Variants in GOLGA8K observed in about 807,000 individuals in gnomAD.
The protein encoded by GOLGA8K is golgin subfamily A member 8K.
A neutral mutation model predicts 75.2 loss-of-function variants in GOLGA8K; 12 were observed. That is an observed-to-expected ratio of 0.16 (90% confidence interval 0.10 to 0.26). GOLGA8K has a LOEUF of 0.26. Ranked by LOEUF, GOLGA8K falls within the 10% of genes least tolerant of loss-of-function variation. The pLI, the probability that GOLGA8K is intolerant of heterozygous loss-of-function variation, is 1.00. For synonymous variants in GOLGA8K, 48 were observed against 236.6 expected (o/e 0.20, Z 7.32); for missense variants, 109 against 640.8 (o/e 0.17, Z 8.96).
chr15:32,397,688 A>G (rs1017018362), intron 8 of GOLGA8K, among the ~76,000 whole-genome samples, 185 bp from the exon 9 acceptor site: 1 of 152,000 alleles, frequency 6.6e-6, no homozygotes, highest in African/African-American at 2.4e-5. Flanking sequence ...AATGAGACTG[A>G]GTTTATAGCT....
At position 32,397,216 on chromosome 15, in the gene GOLGA8K, T is replaced by C. The variant is rs976518841; in HGVS notation, c.773A>G (p.Lys258Arg). The C allele has an allele frequency of 1.8e-4, 253 of 1,440,022 alleles. 15 individuals are homozygous for C. The Middle Eastern group carries it at 2.1e-3, about 12-fold the overall frequency. The allele number at this position is 1,440,022 out of a possible 1,614,324, so 89.2% of individuals were successfully genotyped here. Residue 258 changes from lysine to arginine, a missense_variant, in exon 10 of 19, where the codon AAA becomes AGA. Physicochemically the swap from Lys to Arg is conservative, Grantham distance 26. Transcript: ENST00000512626. ...ERARWQQRMR[K>R]MSQEICTLKK... ...GTCAGATCTCACCTCCTGCGACATT[T>C]TTCTCATCCTCTGCTGCCACCGGGC...
intron 1 of GOLGA8K, among the ~76,000 whole-genome samples, 171 bp from the exon 2 acceptor site, chr15:32,401,646 C>A: frequency 1.4e-5 from 1 of 71,450 alleles, no homozygotes; most frequent in Non-Finnish European, 3.0e-5. Context: ...GATATCATGG[C>A]TAGAAAAAAA....
In GOLGA8K at chr15:32,393,479, C is replaced by T. The variant is rs1429824131; in HGVS notation, c.1457G>A (p.Arg486His). The change falls in exon 16 of 19, where the codon CGC becomes CAC. Residue 486 changes from arginine to histidine, a missense_variant. Arg to His is a conservative substitution (Grantham distance 29, BLOSUM62 0). Transcript: ENST00000512626. ...GCCCTGGCCTCCCACTCACTGATGG[C>T]GTCTGTCTCGCCAGTGGTGGATGAA... ...LCFIHHWRDR[R>H]HQKTHHLLSE... 16 of 1,133,768 alleles carry T rather than the reference C, an allele frequency of 1.4e-5. 3 individuals are homozygous for T. The highest frequency in any genetic ancestry group is 2.7e-5 in the African/African-American group (1 of 37,414). The allele number at this position is 1,133,768 out of a possible 1,614,324, so 70.2% of individuals were successfully genotyped here.
chr15:32,397,258 T>A lies in GOLGA8K; in HGVS notation c.731A>T (p.His244Leu). The A allele has an allele frequency of 6.4e-7, 1 of 1,568,954 alleles. No individual in the cohort carries two copies. Among genetic ancestry groups the A allele is most frequent in the South Asian group, 1.1e-5 (1 of 90,042 alleles). Residue 244 changes from histidine to leucine, a missense_variant, in exon 10 of 19, where the codon CAT becomes CTT. His to Leu is a moderately conservative substitution (Grantham distance 99, BLOSUM62 -3). Coordinates refer to ENST00000512626, the MANE Select transcript of GOLGA8K (RefSeq NM_001282493.2). Reference sequence around the variant, plus strand: ...CCACCGGGCCCTCTCTCCTTTTAGATGTTCAGAATACTCATCTCTTTCTAA... The same window carrying A: ...CCACCGGGCCCTCTCTCCTTTTAGAAGTTCAGAATACTCATCTCTTTCTAA... ...VQLERDEYSE[H>L]LKGERARWQQ...
rs777914105 is a variant in GOLGA8K at position 32,393,394 on chromosome 15, C to T, written c.1464-4G>A. ...TGATAAAAGGTGATGGGTTTTCCTG[C>T]GGGAGGACAGGGCTCAGACGCTGGG... is the stretch of plus-strand genomic sequence containing the variant. On this transcript the variant is annotated splice_region_variant and splice_polypyrimidine_tract_variant and intron_variant, in intron 16 of 18. Coordinates refer to ENST00000512626, the MANE Select transcript of GOLGA8K (RefSeq NM_001282493.2). The T allele has an allele frequency of 1.9e-4, 200 of 1,049,142 alleles. 30 individuals carry two copies. The highest frequency in any genetic ancestry group is 1.1e-3 in the Admixed American group (37 of 33,432). 65.0% of individuals were successfully genotyped at this position (1,049,142 alleles called of 1,614,324 possible).
In GOLGA8K at chr15:32,394,255, G is replaced by A. The variant is rs1235021955; in HGVS notation, c.1277-22C>T. ...TGTCCTGTGGGGGGTGGCCAGAGGGGTCTTCAGACAACCCAACAAGGGAGG... is the reference window on the plus strand; with the variant it reads ...TGTCCTGTGGGGGGTGGCCAGAGGGATCTTCAGACAACCCAACAAGGGAGG... On this transcript the variant is annotated intron_variant, in intron 14 of 18. Transcript: ENST00000512626. 4.0e-6 allele frequency: 6 copies of A among 1,506,378 alleles called. No individual in the cohort carries two copies. In the South Asian group the frequency reaches 4.7e-5, roughly 12 times the overall value. 93.3% of individuals were successfully genotyped at this position (1,506,378 alleles called of 1,614,324 possible).
chr15:32,391,502 T>G lies in GOLGA8K; in HGVS notation c.*1280A>C, dbSNP rs1313815399. On this transcript the variant is annotated 3_prime_UTR_variant, in exon 19 of 19. Coordinates refer to ENST00000512626, the MANE Select transcript of GOLGA8K (RefSeq NM_001282493.2). Reference sequence around the variant, plus strand: ...TTTCAACTAAGTATCTCACATATATTAGTTTATAATAATGTTTCTATTATT... The same window carrying G: ...TTTCAACTAAGTATCTCACATATATGAGTTTATAATAATGTTTCTATTATT... Among the ~76,000 whole-genome samples, 2 of 121,190 alleles carry G rather than the reference T, an allele frequency of 1.7e-5. No homozygotes were observed. Among genetic ancestry groups the G allele is most frequent in the South Asian group, 5.8e-4 (2 of 3,432 alleles). 79.5% of individuals were successfully genotyped at this position (121,190 alleles called of 152,430 possible). A position where few individuals can be genotyped will look rare whatever the true frequency, so the allele number is the denominator to read the frequency against.
intron 1 of GOLGA8K, chr15:32,401,881 A>G: frequency 6.7e-6 from 1 of 148,454 alleles, no homozygotes; most frequent in Non-Finnish European, 1.1e-5. Context: ...TCTTATATCA[A>G]TGTGTCCTCA....
At chr15:32,395,645 C>T (rs1320262463) in intron 13 of GOLGA8K, among the ~76,000 whole-genome samples, 2 of 145,986 alleles carry the variant, frequency 1.4e-5, no homozygotes, top group African/African-American at 2.5e-5. Context: ...CCTGCCTCAG[C>T]CTCCCAAAGT....
In GOLGA8K at chr15:32,396,326, A is replaced by C. The variant is rs2054614285; in HGVS notation, c.1092T>G (p.Leu364=). The C allele has an allele frequency of 1.8e-6, 2 of 1,081,190 alleles. No individual in the cohort carries two copies. The highest frequency in any genetic ancestry group is 2.9e-5 in the East Asian group (1 of 34,474). 67.0% of individuals were successfully genotyped at this position (1,081,190 alleles called of 1,614,324 possible). The part of the protein sequence containing the change: ...EERIQEQHKS[L]QQLAKPQSVF... ...CGCTCTGTGGCTTGGCCAGCTGCTGAAGGCTCTTGTGCTGCTCCTGAATCC... is the reference window on the plus strand; with the variant it reads ...CGCTCTGTGGCTTGGCCAGCTGCTGCAGGCTCTTGTGCTGCTCCTGAATCC... The change falls in exon 12 of 19, where the codon CTT becomes CTG. Residue 364 remains leucine, a synonymous_variant. Transcript: ENST00000512626.
In GOLGA8K at chr15:32,394,696, G is replaced by C; in HGVS notation, c.1245C>G (p.Ala415=). 1.3e-6 allele frequency: 2 copies of C among 1,545,418 alleles called. No homozygotes were observed. Among genetic ancestry groups the C allele is most frequent in the Non-Finnish European group, 1.7e-6 (2 of 1,144,002 alleles). ...AASQQNQQLT[A]QLSLMALPGE... Reference sequence around the variant, plus strand: ...CAGGGAGAGCCATGAGGCTCAGCTGGGCCGTTAGCTGCTGGTTCTGCTGGC... The same window carrying C: ...CAGGGAGAGCCATGAGGCTCAGCTGCGCCGTTAGCTGCTGGTTCTGCTGGC... Residue 415 remains alanine, a synonymous_variant, in exon 14 of 19, where the codon GCC becomes GCG. Coordinates refer to ENST00000512626, the MANE Select transcript of GOLGA8K (RefSeq NM_001282493.2).
intron 1 of GOLGA8K, among the ~76,000 whole-genome samples, chr15:32,401,709 C>T (rs1339354705): frequency 1.2e-5 from 1 of 80,932 alleles, no homozygotes; most frequent in African/African-American, 5.1e-5. Context: ...TGACTCCAAG[C>T]TCTGAGGTTT....
At chr15:32,395,858 C>T (rs1361079190) in intron 13 of GOLGA8K, 105 bp downstream of exon 13, 6 of 1,531,408 alleles carry the variant, frequency 3.9e-6, no homozygotes, top group Non-Finnish European at 5.3e-6. Flanking sequence ...TGGTCACCAG[C>T]CCCCAGGCTG....
At chr15:32,395,842 G>T (rs557505655) in intron 13 of GOLGA8K, 121 bp downstream of exon 13, 13 of 1,509,364 alleles carry the variant, frequency 8.6e-6, no homozygotes, top group African/African-American at 4.2e-5. Context: ...GCCCTGGGGG[G>T]TGCTGTGGTC....
rs557505655 is a variant in GOLGA8K, at chr15:32,395,842, G to A, written c.1200+121C>T. The A allele has an allele frequency of 6.5e-4, 986 of 1,509,450 alleles. 25 individuals carry two copies. The South Asian group carries it at 0.011, about 17-fold the overall frequency. The allele number at this position is 1,509,450 out of a possible 1,614,324, so 93.5% of individuals were successfully genotyped here. A position where few individuals can be genotyped will look rare whatever the true frequency, so the allele number is the denominator to read the frequency against. The stretch of plus-strand genomic sequence containing the variant: ...GCAAGAAACAGGACTGCCCTGGGGG[G>A]TGCTGTGGTCACCAGCCCCCAGGCT... On this transcript the variant is annotated intron_variant, in intron 13 of 18. Transcript: ENST00000512626.
intron 2 of GOLGA8K, among the ~76,000 whole-genome samples, chr15:32,400,971 CAG>C (rs2054682225): frequency 1.1e-5 from 1 of 93,872 alleles, no homozygotes; most frequent in Non-Finnish European, 2.2e-5. Context: ...TTCTTTGAGA[CAG>C]AGTCTTGCTC....
At chr15:32,395,774 G>C (rs1349976831) in intron 13 of GOLGA8K, among the ~76,000 whole-genome samples, 189 bp downstream of exon 13, 1 of 148,562 alleles carries the variant, frequency 6.7e-6, no homozygotes, top group African/African-American at 2.5e-5. Context: ...CCAGACCTGA[G>C]AGGAGCCCAG....
rs1251935826 is a variant in GOLGA8K, at chr15:32,397,632, G to A, written c.592-129C>T. On this transcript the variant is annotated intron_variant, in intron 8 of 18. Transcript: ENST00000512626. ...TAAAGATCAAGGCATTTCCCAGCCC[G>A]TGGTCTGGTTTTTAAAAGAACACAG... 2.7e-4 allele frequency: 350 copies of A among 1,291,802 alleles called. 5 individuals are homozygous for A. Among genetic ancestry groups the A allele is most frequent in the South Asian group, 1.5e-3 (124 of 80,720 alleles). 80.0% of individuals were successfully genotyped at this position (1,291,802 alleles called of 1,614,324 possible).
At chr15:32,393,412 A>G in intron 16 of GOLGA8K, 22 bp from the exon 17 acceptor site, 1 of 1,069,078 alleles carries the variant, frequency 9.4e-7, no homozygotes. Context: ...CAGGGCTCAG[A>G]CGCTGGGGCC....
Sources: gnomAD v4.1 joint callset for allele counts (sites outside exome capture counted in the v4.1 genomes callset) on GRCh38, gnomAD v4.1.1 for gene constraint, MANE v1.5 for transcripts, NCBI Gene and HGNC (gene_info 2026-07-23, HGNC 2026-07-21) for gene names.